Variants in AIPL1 observed in about 807,000 individuals in gnomAD.
The protein encoded by AIPL1 is aryl-hydrocarbon-interacting protein-like 1.
A neutral mutation model predicts 32.9 loss-of-function variants in AIPL1; 23 were observed. The ratio of observed to expected loss-of-function variants is 0.70; its 90% CI spans 0.50 to 0.99. The LOEUF is 0.99. AIPL1 is among the 50% of genes least tolerant of loss of function. AIPL1 has a pLI of 0.00. For missense variants in AIPL1, 485 were observed against 506.0 expected (o/e 0.96, Z 0.40); for synonymous variants, 210 against 209.4 (o/e 1.00, Z -0.02).
chr17:6,426,249 C>T lies in AIPL1; in HGVS notation c.784+366G>A, dbSNP rs910206446. 2.0e-5 allele frequency: 26 copies of T among 1,285,848 alleles called. No individual in the cohort carries two copies. The African/African-American group carries it at 3.3e-4, about 16-fold the overall frequency. 79.7% of individuals were successfully genotyped at this position (1,285,848 alleles called of 1,614,324 possible). Reference sequence around the variant, plus strand: ...TGTGAGCACGATTCGAGCATTAAGTCAATACTAGTACTGACGGTGCCATAT... The same window carrying T: ...TGTGAGCACGATTCGAGCATTAAGTTAATACTAGTACTGACGGTGCCATAT... On this transcript the variant is annotated intron_variant, in intron 5 of 5. Transcript: ENST00000381129.
intron 2 of AIPL1, among the ~76,000 whole-genome samples, chr17:6,431,774 A>G (rs1912627645): frequency 6.6e-6 from 1 of 152,186 alleles, no homozygotes; most frequent in African/African-American, 2.4e-5. Context: ...GAATGGATGG[A>G]TCAGGCTGTC....
At chr17:6,428,191 C>A (rs1567638468) in intron 3 of AIPL1, 127 bp downstream of exon 3, 3 of 1,068,434 alleles carry the variant, frequency 2.8e-6, no homozygotes, top group East Asian at 2.6e-5. Flanking sequence ...GGCTTATGAA[C>A]CCTCTCGTAT....
Position 6,428,268 on chromosome 17 carries a change from C to G in AIPL1, c.465+50G>C, listed in dbSNP as rs770275435. The G allele has an allele frequency of 1.6e-5, 25 of 1,594,840 alleles. No homozygotes were observed. In the Admixed American group the frequency reaches 2.7e-4, roughly 17 times the overall value. On this transcript the variant is annotated intron_variant, in intron 3 of 5. Transcript: ENST00000381129. ...TGGGGGTGCCCATGATGCCCGCTGT[C>G]CCTCTCCAGTGCTGGCACAGCCCTC...
At chr17:6,426,504 G>A (rs763028954) in intron 5 of AIPL1, 111 bp downstream of exon 5, 11 of 1,528,082 alleles carry the variant, frequency 7.2e-6, no homozygotes, top group Non-Finnish European at 9.6e-6. Flanking sequence ...GTGGAGACAA[G>A]GTTTGGTGCC....
intron 2 of AIPL1, among the ~76,000 whole-genome samples, chr17:6,432,908 A>G (rs1912750671): frequency 6.6e-6 from 1 of 152,144 alleles, no homozygotes; most frequent in Non-Finnish European, 1.5e-5. Context: ...GGATATCCTC[A>G]TATTTTAGAG....
At position 6,426,801 on chromosome 17, in the gene AIPL1, C is replaced by T. The variant is rs200363588; in HGVS notation, c.643-45G>A. 2.7e-4 allele frequency: 428 copies of T among 1,612,214 alleles called. No homozygotes were observed. The African/African-American group carries it at 5.0e-3, about 19-fold the overall frequency. ...GCCATGACCTCAGGCAGCTGCCCAA[C>T]CCCCGCCCCACCCTGGCCGGCACTG... On this transcript the variant is annotated intron_variant, in intron 4 of 5. Coordinates refer to ENST00000381129, the MANE Select transcript of AIPL1 (RefSeq NM_014336.5).
intron 3 of AIPL1, among the ~76,000 whole-genome samples, chr17:6,427,343 G>A (rs73975075): frequency 0.011 from 1,734 of 152,338 alleles, 27 homozygotes; most frequent in African/African-American, 0.038. Flanking sequence ...GCCATCTGCT[G>A]GAAACTTCTC....
chr17:6,433,611 T>TCTCTCTCTCTCTCA (rs758622569), intron 2 of AIPL1, among the ~76,000 whole-genome samples: 1 of 106,258 alleles, frequency 9.4e-6, no homozygotes, highest in African/African-American at 3.7e-5. Context: ...TCTCTCTCTC[T>TCTCTCTCTCTCTCA]CACACACACA....
rs1310571023 is a variant in AIPL1, at chr17:6,427,076, G to A, written c.466-19C>T. The A allele has an allele frequency of 6.2e-7, 1 of 1,613,872 alleles. No homozygotes were observed. The highest frequency in any genetic ancestry group is 2.2e-5 in the East Asian group (1 of 44,876). ...CATCAACCTGGCCCCAGAGCTGCAG[G>A]TCAGTGAGGCAGGGACCCCAGGGGC... On this transcript the variant is annotated intron_variant, in intron 3 of 5. Coordinates refer to ENST00000381129, the MANE Select transcript of AIPL1 (RefSeq NM_014336.5).
In AIPL1 at chr17:6,425,248, T is replaced by A; in HGVS notation, c.*212A>T. 2.0e-6 allele frequency: 1 copy of A among 510,430 alleles called. No individual in the cohort carries two copies. Among genetic ancestry groups the A allele is most frequent in the African/African-American group, 1.9e-5 (1 of 51,472 alleles). 31.6% of individuals were successfully genotyped at this position (510,430 alleles called of 1,614,324 possible). ...AATTAAAACCATGGCACGGAAGGAA[T>A]GAGAGGGGTAGAGGAGAAAACTACT... On this transcript the variant is annotated 3_prime_UTR_variant, in exon 6 of 6. Coordinates refer to ENST00000381129, the MANE Select transcript of AIPL1 (RefSeq NM_014336.5).
At chr17:6,428,989 G>A (rs1912287203) in intron 2 of AIPL1, among the ~76,000 whole-genome samples, 1 of 152,182 alleles carries the variant, frequency 6.6e-6, no homozygotes, top group Non-Finnish European at 1.5e-5. Context: ...GAGTCGCTTT[G>A]GTGTCCTGGC....
In AIPL1 at chr17:6,425,822, T is replaced by C. The variant is rs752333867; in HGVS notation, c.793A>G (p.Lys265Glu). Reference sequence around the variant, plus strand: ...GCCCGGGCACGCACGTAGTAGGCCTTCACGATGCCTGTGGGGAGCAGGGAG... The same window carrying C: ...GCCCGGGCACGCACGTAGTAGGCCTCCACGATGCCTGTGGGGAGCAGGGAG... ...DILRHHPGIV[K>E]AYYVRARAHA... The change falls in exon 6 of 6, where the codon AAG becomes GAG. Residue 265 changes from lysine (K) to glutamate (E), a missense_variant. Lys to Glu is a moderately conservative substitution (Grantham distance 56). Coordinates refer to ENST00000381129, the MANE Select transcript of AIPL1 (RefSeq NM_014336.5). The C allele has an allele frequency of 1.9e-6, 3 of 1,603,740 alleles. No individual in the cohort carries two copies. Among genetic ancestry groups the C allele is most frequent in the South Asian group, 2.2e-5 (2 of 91,068 alleles).
In AIPL1 at chr17:6,426,938, C is replaced by G; in HGVS notation, c.585G>C (p.Glu195Asp). The change falls in exon 4 of 6, where the codon GAG (glutamate) becomes GAC (aspartate). Residue 195 changes from glutamate (E) to aspartate (D), a missense_variant. Glu to Asp is a conservative substitution (Grantham distance 45, BLOSUM62 2). Transcript: ENST00000381129. ...GNRLFKLGRY[E>D]EASSKYQEAI... Reference sequence around the variant, plus strand: ...CCTCCTGGTACTTGGAAGAGGCCTCCTCGTAGCGGCCCAGCTTGAAGAGCC... The same window carrying G: ...CCTCCTGGTACTTGGAAGAGGCCTCGTCGTAGCGGCCCAGCTTGAAGAGCC... 1 of 1,614,230 alleles carries G rather than the reference C, an allele frequency of 6.2e-7. No homozygotes were observed. The highest frequency in any genetic ancestry group is 8.5e-7 in the Non-Finnish European group (1 of 1,180,050).
Position 6,428,399 on chromosome 17 carries a change from G to C in AIPL1, c.384C>G (p.Ala128=). The change falls in exon 3 of 6, where the codon GCC becomes GCG. Residue 128 remains alanine, a synonymous_variant. Transcript: ENST00000381129. The part of the protein sequence containing the change: ...VHTCGLANMF[A]YHTLGYEDLD... ...GGTCCTCGTAGCCCAGCGTGTGGTA[G>C]GCGAACATGTTGGCCAGCCCGCACG... 1.2e-6 allele frequency: 2 copies of C among 1,613,226 alleles called. No individual in the cohort carries two copies. The highest frequency in any genetic ancestry group is 1.7e-6 in the Non-Finnish European group (2 of 1,180,044).
In AIPL1 at chr17:6,434,037, C is replaced by A; in HGVS notation, c.158G>T (p.Arg53Leu). 6.2e-7 allele frequency: 1 copy of A among 1,614,136 alleles called. No homozygotes were observed. The highest frequency in any genetic ancestry group is 8.5e-7 in the Non-Finnish European group (1 of 1,180,032). ...DEERTVIDDS[R>L]QVGQPMHIII... ...GATGTGCATGGGCTGGCCCACCTGC[C>A]GACTGTCGTCAATGACTGTCCGCTC... Residue 53 changes from arginine to leucine, a missense_variant, in exon 2 of 6, where the codon CGG becomes CTG. Physicochemically the swap from Arg to Leu is moderately radical, Grantham distance 102. Coordinates refer to ENST00000381129, the MANE Select transcript of AIPL1 (RefSeq NM_014336.5).
Position 6,435,118 on chromosome 17 carries a change from A to C in AIPL1, c.-14T>G. The C allele has an allele frequency of 6.2e-7, 1 of 1,614,092 alleles. No individual in the cohort carries two copies. Among genetic ancestry groups the C allele is most frequent in the Non-Finnish European group, 8.5e-7 (1 of 1,179,970 alleles). On this transcript the variant is annotated 5_prime_UTR_variant, in exon 1 of 6. Coordinates refer to ENST00000381129, the MANE Select transcript of AIPL1 (RefSeq NM_014336.5). ...AGCGGCATCCATGGCTGCAGGAGAA[A>C]GGGAGGTGTCCAGCACAGGCGGAGA...
intron 1 of AIPL1, among the ~76,000 whole-genome samples, chr17:6,434,612 C>A (rs1325642637): frequency 6.6e-6 from 1 of 152,192 alleles, no homozygotes; most frequent in East Asian, 1.9e-4. Context: ...CCCATCTTGG[C>A]CTCCCAAAGT....
chr17:6,432,725 G>A (rs930657517), intron 2 of AIPL1, among the ~76,000 whole-genome samples: 6 of 151,840 alleles, frequency 4.0e-5, no homozygotes, highest in East Asian at 3.9e-4. Flanking sequence ...CTGCCTCCCG[G>A]GTTCAAGTGA....
At chr17:6,434,873 C>T in intron 1 of AIPL1, 136 bp downstream of exon 1, 1 of 1,476,860 alleles carries the variant, frequency 6.8e-7, no homozygotes, top group East Asian at 2.5e-5. Flanking sequence ...CTGGGAGCTC[C>T]CCGGAGGCCC....
Sources: gnomAD v4.1 joint callset for allele counts (sites outside exome capture counted in the v4.1 genomes callset) on GRCh38, gnomAD v4.1.1 for gene constraint, MANE v1.5 for transcripts, NCBI Gene and HGNC (gene_info 2026-07-23, HGNC 2026-07-21) for gene names.